The following LRP1B variants were observed in gnomAD, a reference collection of about 807,000 sequenced individuals.
The protein encoded by LRP1B is low-density lipoprotein receptor-related protein 1B.
In LRP1B, 217 loss-of-function variants were observed where a neutral mutation model predicts 556.6. The observed-to-expected ratio is 0.39, with a 90% confidence interval of 0.35 to 0.44. The LOEUF (loss-of-function observed/expected upper bound fraction) is 0.44. Ranked by LOEUF, LRP1B falls within the 20% of genes least tolerant of loss-of-function variation. The pLI, the probability that LRP1B is intolerant of heterozygous loss-of-function variation, is 1.00. For missense variants in LRP1B, 5,053 were observed against 5,620.8 expected (o/e 0.90, Z 3.23); for synonymous variants, 2,047 against 1,865.8 (o/e 1.10, Z -2.50).
rs544962156 is a variant in LRP1B at position 141,418,156 on chromosome 2, T to G, written c.343+62240A>C. Among the ~76,000 whole-genome samples, 4 of 152,302 alleles carry G rather than the reference T, an allele frequency of 2.6e-5. No individual in the cohort carries two copies. The South Asian group carries it at 8.3e-4, about 32-fold the overall frequency. On this transcript the variant is annotated intron_variant, in intron 3 of 90. Transcript: ENST00000389484. ...TTTTGGACATTAACCCTTTATCAGATATATGGTTTTCAAATATTTTCTCCC... is the reference window on the plus strand; with the variant it reads ...TTTTGGACATTAACCCTTTATCAGAGATATGGTTTTCAAATATTTTCTCCC...
At chr2:140,963,590 C>G (rs10928082) in intron 18 of LRP1B, among the ~76,000 whole-genome samples, 1 of 151,886 alleles carries the variant, frequency 6.6e-6, no homozygotes, top group African/African-American at 2.4e-5. Context: ...GGCCAGTAAC[C>G]GGTGAGGCAG....
At chr2:141,480,844 C>G (rs1303927646) in intron 2 of LRP1B, among the ~76,000 whole-genome samples, 1 of 151,940 alleles carries the variant, frequency 6.6e-6, no homozygotes, top group Non-Finnish European at 1.5e-5. Context: ...ATCTCATATC[C>G]CTAGATAAGT....
At chr2:141,482,109 T>C (rs1379602667) in intron 2 of LRP1B, among the ~76,000 whole-genome samples, 1 of 152,046 alleles carries the variant, frequency 6.6e-6, no homozygotes, top group Non-Finnish European at 1.5e-5. Flanking sequence ...ATTGCAGAAG[T>C]TTGCAATGTG....
At chr2:141,909,575 G>C (rs1383562007) in intron 1 of LRP1B, among the ~76,000 whole-genome samples, 4 of 125,680 alleles carry the variant, frequency 3.2e-5, no homozygotes, top group Non-Finnish European at 4.8e-5. Flanking sequence ...CTGGAGGAGG[G>C]ACATTTTGTT....
intron 87 of LRP1B, among the ~76,000 whole-genome samples, chr2:140,240,485 G>A (rs1347063746): frequency 6.6e-6 from 1 of 150,562 alleles, no homozygotes; most frequent in East Asian, 2.0e-4. Flanking sequence ...GACAATAATA[G>A]CCCATTGCTA....
Position 140,648,277 on chromosome 2 carries a change from C to T in LRP1B, c.6800-46638G>A, listed in dbSNP as rs1049394067. Among the ~76,000 whole-genome samples the T allele has an allele frequency of 6.1e-5, 9 of 148,152 alleles. No homozygotes were observed. The South Asian group carries it at 6.8e-4, about 11-fold the overall frequency. On this transcript the variant is annotated intron_variant, in intron 41 of 90. Transcript: ENST00000389484. ...ACACAGGGTGGGGAACGTCACACAC[C>T]GGGGCATGTGGTGGGGTGGGGGAGT...
intron 1 of LRP1B, among the ~76,000 whole-genome samples, chr2:141,906,499 GT>G (rs1010273054): frequency 6.6e-6 from 1 of 151,908 alleles, no homozygotes; most frequent in Non-Finnish European, 1.5e-5. Context: ...CAGCAAACAA[GT>G]TTTTTTATCT....
intron 1 of LRP1B, among the ~76,000 whole-genome samples, chr2:142,106,216 A>C (rs559024270): frequency 6.6e-6 from 1 of 152,352 alleles, no homozygotes; most frequent in East Asian, 1.9e-4. Context: ...TATAGAAGCA[A>C]GTTAAGGAAA....
At chr2:141,334,416 G>A (rs1687771062) in intron 3 of LRP1B, among the ~76,000 whole-genome samples, 1 of 152,212 alleles carries the variant, frequency 6.6e-6, no homozygotes, top group South Asian at 2.1e-4. Flanking sequence ...ATGAGCTAAA[G>A]CTCCCTGCGG....
intron 7 of LRP1B, among the ~76,000 whole-genome samples, chr2:141,140,339 T>A (rs879459084): frequency 3.3e-5 from 5 of 152,104 alleles, no homozygotes; most frequent in Admixed American, 6.6e-5. Flanking sequence ...AAAAATTTTT[T>A]AAATCAGAAT....
intron 2 of LRP1B, among the ~76,000 whole-genome samples, chr2:141,584,208 G>A (rs1687050808): frequency 6.6e-6 from 1 of 151,658 alleles, no homozygotes; most frequent in Admixed American, 6.6e-5. Flanking sequence ...TAGTGCCACT[G>A]CCCTCCAGTC....
At chr2:141,804,804 G>A (rs978274523) in intron 2 of LRP1B, among the ~76,000 whole-genome samples, 2 of 152,024 alleles carry the variant, frequency 1.3e-5, no homozygotes, top group African/African-American at 4.8e-5. Context: ...CATTTCCATT[G>A]TACAGATGGG....
In LRP1B at chr2:140,568,035, G is replaced by A. The variant is rs540442412; in HGVS notation, c.7195-26064C>T. On this transcript the variant is annotated intron_variant, in intron 43 of 90. Transcript: ENST00000389484. The stretch of plus-strand genomic sequence containing the variant: ...TGAAGAGGTGATTGTTCCACCAGAA[G>A]CACAGACAACAAAGCAGGGACACAA... Among the ~76,000 whole-genome samples the A allele has an allele frequency of 2.1e-3, 322 of 151,986 alleles. 1 individual carries two copies. The highest frequency in any genetic ancestry group is 7.5e-3 in the African/African-American group (309 of 41,442).
chr2:140,456,692 C>T (rs180737836), intron 61 of LRP1B, 89 bp from the exon 62 acceptor site: 3 of 1,157,070 alleles, frequency 2.6e-6, no homozygotes, highest in East Asian at 2.5e-5. Flanking sequence ...TTTTAAGCTG[C>T]ATAACTTGAA....
At chr2:141,966,961 T>C (rs1157781715) in intron 1 of LRP1B, among the ~76,000 whole-genome samples, 1 of 151,842 alleles carries the variant, frequency 6.6e-6, no homozygotes, top group African/African-American at 2.4e-5. Context: ...TCAGTTTCCC[T>C]AAGTCAAGTC....
intron 3 of LRP1B, among the ~76,000 whole-genome samples, chr2:141,371,070 G>T (rs1199236025): frequency 1.3e-5 from 2 of 152,028 alleles, no homozygotes; most frequent in Admixed American, 6.5e-5. Context: ...TGCAACCGCT[G>T]CCTTCTGGGT....
At chr2:141,263,113 T>C (rs181392651) in intron 3 of LRP1B, among the ~76,000 whole-genome samples, 16 of 152,184 alleles carry the variant, frequency 1.1e-4, no homozygotes, top group Admixed American at 1.0e-3. Context: ...GTTCAATTTA[T>C]ATCTGTCTCA....
chr2:140,990,631 A>G (rs948192984), intron 16 of LRP1B, among the ~76,000 whole-genome samples: 31 of 152,136 alleles, frequency 2.0e-4, no homozygotes, highest in African/African-American at 7.2e-4. Context: ...AATACTTAGG[A>G]GGTGACCAAT....
At chr2:141,538,534 C>T (rs1010883843) in intron 2 of LRP1B, among the ~76,000 whole-genome samples, 3 of 151,954 alleles carry the variant, frequency 2.0e-5, no homozygotes, top group African/African-American at 7.2e-5. Flanking sequence ...CATTTTAAAC[C>T]CTGAATACAG....
Sources: gnomAD v4.1 joint callset for allele counts (sites outside exome capture counted in the v4.1 genomes callset) on GRCh38, gnomAD v4.1.1 for gene constraint, MANE v1.5 for transcripts, NCBI Gene and HGNC (gene_info 2026-07-23, HGNC 2026-07-21) for gene names.